The following SHLD2 variants were observed in gnomAD, a reference collection of about 807,000 sequenced individuals.
SHLD2 encodes shieldin complex subunit 2, also known as RINN1-REV7-interacting novel NHEJ regulator 2.
In SHLD2, 30 loss-of-function variants were observed where a neutral mutation model predicts 73.2. That is an observed-to-expected ratio of 0.41 (90% confidence interval 0.31 to 0.56). The LOEUF (loss-of-function observed/expected upper bound fraction) is 0.56, where lower values mean the gene tolerates loss of function less well. Among genes scored for constraint, SHLD2 ranks in the 20% least tolerant of loss-of-function variants. SHLD2 has a pLI of 0.28. For synonymous variants in SHLD2, 285 were observed against 370.1 expected, an observed-to-expected ratio of 0.77 and a Z score of 2.64; for missense variants, 745 against 1,055.9, an observed-to-expected ratio of 0.71 and a Z score of 4.08.
At chr10:87,128,407 C>A (rs10749544) in intron 2 of SHLD2, among the ~76,000 whole-genome samples, 2 of 152,202 alleles carry the variant, frequency 1.3e-5, no homozygotes, top group East Asian at 1.9e-4. Context: ...CTTGAAGAAG[C>A]CTTTTCCAGA....
At chr10:87,101,492 C>T (rs28757764) in intron 2 of SHLD2, among the ~76,000 whole-genome samples, 43,489 of 152,010 alleles carry the variant, frequency 0.29, 6,361 homozygotes, top group Middle Eastern at 0.35. Context: ...AACTCCTGGG[C>T]TTAAGACATC....
intron 2 of SHLD2, among the ~76,000 whole-genome samples, chr10:87,125,104 C>T (rs1295003005): frequency 6.6e-6 from 1 of 152,094 alleles, no homozygotes; most frequent in Non-Finnish European, 1.5e-5. Context: ...AATTTCAAAG[C>T]AGAAGGGGTG....
At chr10:87,189,454 C>T (rs1457456417) in intron 9 of SHLD2, among the ~76,000 whole-genome samples, 5 of 152,210 alleles carry the variant, frequency 3.3e-5, no homozygotes. Context: ...GTCAAAATGT[C>T]ATTGGTTATA....
At chr10:87,136,552 C>A (rs1405353148) in intron 2 of SHLD2, among the ~76,000 whole-genome samples, 1 of 151,884 alleles carries the variant, frequency 6.6e-6, no homozygotes, top group African/African-American at 2.4e-5. Context: ...CTGTATATAT[C>A]CACATATCTA....
intron 2 of SHLD2, among the ~76,000 whole-genome samples, chr10:87,129,410 A>G (rs998960336): frequency 6.6e-6 from 1 of 152,112 alleles, no homozygotes; most frequent in Non-Finnish European, 1.5e-5. Context: ...GTTTTCAGTT[A>G]GGAAACTTAC....
At chr10:87,179,904 A>G (rs1357427277) in intron 7 of SHLD2, among the ~76,000 whole-genome samples, 171 bp from the exon 8 acceptor site, 2 of 152,242 alleles carry the variant, frequency 1.3e-5, no homozygotes, top group Non-Finnish European at 2.9e-5. Flanking sequence ...TTGCAGCCAG[A>G]CATCCCTGCC....
At chr10:87,137,157 C>A (rs1317752991) in intron 2 of SHLD2, among the ~76,000 whole-genome samples, 2 of 151,216 alleles carry the variant, frequency 1.3e-5, no homozygotes, top group Admixed American at 6.6e-5. Flanking sequence ...AGAAGAAGAC[C>A]CAGAGATGAT....
Position 87,180,274 on chromosome 10 carries a change from G to T in SHLD2, c.2370G>T (p.Leu790Phe), listed in dbSNP as rs532692596. The change falls in exon 8 of 10, where the codon TTG becomes TTT. Residue 790 changes from leucine (L) to phenylalanine (F), a missense_variant. Coordinates refer to ENST00000298786, the MANE Select transcript of SHLD2 (RefSeq NM_001330112.2). ...TCTACAAACAATGTTTTAGCTGCTT[G>T]CCATTTACTATGAAGAAAATATATT... is the stretch of plus-strand genomic sequence containing the variant. ...NRIYKQCFSC[L>F]PFTMKKIYYR... 1 of 1,611,142 alleles carries T rather than the reference G, an allele frequency of 6.2e-7. No individual in the cohort carries two copies. Among genetic ancestry groups the T allele is most frequent in the African/African-American group, 1.3e-5 (1 of 74,890 alleles).
Position 87,151,939 on chromosome 10 carries a change from A to C in SHLD2, c.585A>C (p.Gln195His). 6.2e-7 allele frequency: 1 copy of C among 1,611,292 alleles called. No homozygotes were observed. Among genetic ancestry groups the C allele is most frequent in the Non-Finnish European group, 8.5e-7 (1 of 1,179,254 alleles). Residue 195 changes from glutamine (Q) to histidine (H), a missense_variant, in exon 3 of 10, where the codon CAA (glutamine) becomes CAC (histidine). By Grantham distance (24) the Gln-to-His change is conservative. Around this residue, in one of 5 missense-constraint regions of SHLD2, gnomAD observed 280 missense variants for 353.9 expected, o/e 0.79. Transcript: ENST00000298786. ...TTAATATAGGGCCTGAAGTGGTACA[A>C]AGAGAGTGTGTGCCAACAGAATATC... is the stretch of plus-strand genomic sequence containing the variant. ...EKINIGPEVV[Q>H]RECVPTEYHE...
chr10:87,145,169 C>T (rs554480881), intron 2 of SHLD2, among the ~76,000 whole-genome samples: 1 of 152,214 alleles, frequency 6.6e-6, no homozygotes, highest in Admixed American at 6.5e-5. Context: ...TCTCGATCTC[C>T]TGACCTCGTG....
Position 87,152,658 on chromosome 10 carries a change from G to A in SHLD2, c.1304G>A (p.Cys435Tyr), listed in dbSNP as rs1379892530. Residue 435 changes from cysteine (C) to tyrosine (Y), a missense_variant, in exon 3 of 10, where the codon TGT becomes TAT. Cys to Tyr is a radical substitution (Grantham distance 194). This residue lies in a region of SHLD2 where 418 missense variants were observed against 567.8 expected (regional missense o/e 0.74). Coordinates refer to ENST00000298786, the MANE Select transcript of SHLD2 (RefSeq NM_001330112.2). ...SIKKTSLIKN[C>Y]DSKSQKYNCL... ...AAAAAAACATCATTAATAAAAAACT[G>A]TGATTCTAAAAGCCAGAAGTATAAT... The A allele has an allele frequency of 1.2e-6, 2 of 1,610,408 alleles. No individual in the cohort carries two copies. The highest frequency in any genetic ancestry group is 1.7e-5 in the Admixed American group (1 of 59,570).
At chr10:87,172,467 G>A (rs568311280) in intron 6 of SHLD2, among the ~76,000 whole-genome samples, 1 of 152,170 alleles carries the variant, frequency 6.6e-6, no homozygotes, top group South Asian at 2.1e-4. Context: ...TGATCTGGGT[G>A]AATACATAAA....
At chr10:87,187,498 G>C (rs2134773048) in intron 9 of SHLD2, among the ~76,000 whole-genome samples, 1 of 152,292 alleles carries the variant, frequency 6.6e-6, no homozygotes, top group Non-Finnish European at 1.5e-5. Context: ...ATGAGTGTGT[G>C]ACATAATATA....
At position 87,187,103 on chromosome 10, in the gene SHLD2, C is replaced by G. The variant is rs1220603721; in HGVS notation, c.2418C>G (p.Ala806=). The G allele has an allele frequency of 6.2e-7, 1 of 1,612,042 alleles. No individual in the cohort carries two copies. The highest frequency in any genetic ancestry group is 2.2e-5 in the East Asian group (1 of 44,820). The change falls in exon 9 of 10, where the codon GCC becomes GCG. Residue 806 remains alanine (A), a synonymous_variant. Coordinates refer to ENST00000298786, the MANE Select transcript of SHLD2 (RefSeq NM_001330112.2). ...KIYYRPALMT[A]IDGRHDVCIR... is the part of the protein sequence containing the mutation. ...TTTGTAGGCCAGCGTTAATGACTGC[C>G]ATTGATGGAAGACATGATGTTTGTA...
rs3129510 is a variant in SHLD2 at position 87,153,443 on chromosome 10, A to G, written c.1525+564A>G. Among the ~76,000 whole-genome samples, 313 of 152,274 alleles carry G rather than the reference A, an allele frequency of 2.1e-3. 1 individual carries two copies. The highest frequency in any genetic ancestry group is 3.8e-3 in the Non-Finnish European group (257 of 68,026). The stretch of plus-strand genomic sequence containing the variant: ...TGTCTAATAATGCTGTGCACATTGT[A>G]TTTTTACTGTGGGAACAGTTATTGA... On this transcript the variant is annotated intron_variant, in intron 3 of 9. Transcript: ENST00000298786.
intron 2 of SHLD2, among the ~76,000 whole-genome samples, chr10:87,133,293 G>A (rs1844563435): frequency 6.6e-6 from 1 of 151,832 alleles, no homozygotes; most frequent in Non-Finnish European, 1.5e-5. Context: ...TGTGCTTTAG[G>A]CCTCTTGATT....
chr10:87,174,035 CAATT>C (rs1358557287), intron 6 of SHLD2, among the ~76,000 whole-genome samples: 8 of 152,064 alleles, frequency 5.3e-5, no homozygotes, highest in African/African-American at 9.7e-5. Context: ...GGATAACTGA[CAATT>C]AATATGAACA....
At chr10:87,170,369 A>G (rs1847508875) in intron 4 of SHLD2, 109 bp from the exon 5 acceptor site, 1 of 737,058 alleles carries the variant, frequency 1.4e-6, no homozygotes. Context: ...ACTATATTTT[A>G]TATCTAATCA....
Position 87,095,256 on chromosome 10 carries a change from C to G in SHLD2, c.-62+8C>G, listed in dbSNP as rs1167270408. 1 of 143,708 alleles carries G rather than the reference C, an allele frequency of 7.0e-6. No homozygotes were observed. Among genetic ancestry groups the G allele is most frequent in the African/African-American group, 2.6e-5 (1 of 38,082 alleles). The allele number at this position is 143,708 out of a possible 1,614,324, so 8.9% of individuals were successfully genotyped here. A position where few individuals can be genotyped will look rare whatever the true frequency, so the allele number is the denominator to read the frequency against. On this transcript the variant is annotated splice_region_variant and intron_variant, in intron 1 of 9. Transcript: ENST00000298786. ...CTCCGGCGGGGCTCTCAGGTATGTGCGCCGCGGGGGTCCCTCAGGGGGGTT... is the reference window on the plus strand; with the variant it reads ...CTCCGGCGGGGCTCTCAGGTATGTGGGCCGCGGGGGTCCCTCAGGGGGGTT...
Sources: gnomAD v4.1 joint callset for allele counts (sites outside exome capture counted in the v4.1 genomes callset) on GRCh38, gnomAD v4.1.1 for gene constraint, gnomAD v4.1.1 regional missense constraint, MANE v1.5 for transcripts, NCBI Gene and HGNC (gene_info 2026-07-23, HGNC 2026-07-21) for gene names.